PARN: variants seen among roughly 807,000 people sequenced by gnomAD.
PARN encodes the protein poly(A)-specific ribonuclease, also known as poly(A)-specific ribonuclease PARN.
Under a neutral mutation model 102.8 loss-of-function variants are expected in PARN, and 71 were observed. The observed-to-expected ratio is 0.69, with a 90% CI of 0.57 to 0.84. The LOEUF (loss-of-function observed/expected upper bound fraction) is 0.84, where lower values mean the gene tolerates loss of function less well. PARN is among the 40% of genes least tolerant of loss of function. PARN has a pLI of 0.00. For missense variants in PARN, 782 were observed against 760.9 expected, an observed-to-expected ratio of 1.03 and a Z score of -0.33; for synonymous variants, 261 against 252.9, an observed-to-expected ratio of 1.03 and a Z score of -0.30.
chr16:14,606,441 A>G (rs370569657), intron 10 of PARN, 43 bp downstream of exon 10: 51 of 1,151,694 alleles, frequency 4.4e-5, no homozygotes, highest in Middle Eastern at 2.0e-4. Flanking sequence ...CAGTGTAACA[A>G]TGGATGTGTT....
chr16:14,526,953 T>C (rs1248838005), intron 21 of PARN, among the ~76,000 whole-genome samples: 1 of 152,190 alleles, frequency 6.6e-6, no homozygotes, highest in African/African-American at 2.4e-5. Context: ...AGAAATCCTC[T>C]TCCTAATGGC....
chr16:14,472,159 T>C (rs1160765085), intron 22 of PARN, among the ~76,000 whole-genome samples: 1 of 152,212 alleles, frequency 6.6e-6, no homozygotes, highest in African/African-American at 2.4e-5. Context: ...GTTAGAGGTG[T>C]ACCACATCTT....
intron 5 of PARN, among the ~76,000 whole-genome samples, chr16:14,621,556 T>C (rs1360829017): frequency 1.3e-5 from 2 of 152,214 alleles, no homozygotes; most frequent in African/African-American, 4.8e-5. Flanking sequence ...CTCACGCCTG[T>C]AATCCGAGCA....
At chr16:14,590,080 A>T (rs1043446902) in intron 13 of PARN, among the ~76,000 whole-genome samples, 1 of 148,936 alleles carries the variant, frequency 6.7e-6, no homozygotes, top group African/African-American at 2.5e-5. Flanking sequence ...GTGAAACCCC[A>T]TCTCTACTAA....
chr16:14,618,533 T>C lies in PARN; in HGVS notation c.328-883A>G, dbSNP rs536116512. Among the ~76,000 whole-genome samples, 326 of 150,600 alleles carry C rather than the reference T, an allele frequency of 2.2e-3. 1 individual carries two copies. The highest frequency in any genetic ancestry group is 2.7e-3 in the Non-Finnish European group (181 of 67,760). On this transcript the variant is annotated intron_variant, in intron 5 of 23. Transcript: ENST00000437198. ...AAAATTAGCCAGGTGTGGTGGTGTGTACCTGCAATCCCAGTTACTCAGGAG... is the reference window on the plus strand; with the variant it reads ...AAAATTAGCCAGGTGTGGTGGTGTGCACCTGCAATCCCAGTTACTCAGGAG...
intron 18 of PARN, among the ~76,000 whole-genome samples, chr16:14,563,699 CT>C (rs748320042): frequency 0.015 from 2,012 of 132,494 alleles, 25 homozygotes; most frequent in African/African-American, 0.043. Flanking sequence ...CCGCACCTGG[CT>C]TTTTTTTTTT....
At chr16:14,496,309 G>A (rs2151618298) in intron 21 of PARN, among the ~76,000 whole-genome samples, 1 of 152,314 alleles carries the variant, frequency 6.6e-6, no homozygotes, top group Middle Eastern at 3.4e-3. Flanking sequence ...GCTTTCCCAA[G>A]TGCTGACACA....
At chr16:14,456,726 A>G (rs1331168190) in intron 22 of PARN, among the ~76,000 whole-genome samples, 3 of 152,084 alleles carry the variant, frequency 2.0e-5, no homozygotes, top group African/African-American at 7.2e-5. Context: ...ATTGCACTCC[A>G]AGTTCAATGT....
intron 21 of PARN, among the ~76,000 whole-genome samples, chr16:14,504,092 G>A (rs1391182992): frequency 6.6e-6 from 1 of 152,150 alleles, no homozygotes; most frequent in Non-Finnish European, 1.5e-5. Context: ...CTTTGACCTA[G>A]TAATTCCTCT....
intron 21 of PARN, among the ~76,000 whole-genome samples, chr16:14,512,234 G>C (rs1384996331): frequency 1.3e-5 from 2 of 152,204 alleles, no homozygotes; most frequent in East Asian, 3.8e-4. Flanking sequence ...GGGCGTGGTA[G>C]TTCACGCCTG....
intron 18 of PARN, among the ~76,000 whole-genome samples, chr16:14,572,320 G>A (rs892306560): frequency 2.0e-5 from 3 of 152,094 alleles, no homozygotes; most frequent in Non-Finnish European, 2.9e-5. Context: ...CGTTACTGGC[G>A]AGAGGGCTGG....
intron 21 of PARN, among the ~76,000 whole-genome samples, chr16:14,488,484 A>G (rs1303576719): frequency 6.6e-6 from 1 of 152,244 alleles, no homozygotes; most frequent in African/African-American, 2.4e-5. Flanking sequence ...AAGACATTCA[A>G]CTGACAGGAT....
chr16:14,438,421 A>T (rs1055573738), intron 23 of PARN, among the ~76,000 whole-genome samples: 1 of 138,294 alleles, frequency 7.2e-6, no homozygotes, highest in Non-Finnish European at 1.5e-5. Context: ...TGCACCTGCC[A>T]ATCTGCACCT....
chr16:14,616,127 C>T (rs917638274), intron 6 of PARN, among the ~76,000 whole-genome samples: 2 of 152,044 alleles, frequency 1.3e-5, no homozygotes, highest in African/African-American at 4.8e-5. Flanking sequence ...AAAATATTGA[C>T]CTTGTACATA....
intron 22 of PARN, among the ~76,000 whole-genome samples, chr16:14,465,631 C>G (rs1022743887): frequency 6.6e-6 from 1 of 151,904 alleles, no homozygotes; most frequent in African/African-American, 2.4e-5. Context: ...AAAATTTTAC[C>G]AGATGCTTTT....
intron 21 of PARN, among the ~76,000 whole-genome samples, chr16:14,522,430 C>T (rs1010252631): frequency 6.6e-6 from 1 of 152,120 alleles, no homozygotes; most frequent in Non-Finnish European, 1.5e-5. Context: ...AATCTAGCTA[C>T]CTGGGAGGTT....
chr16:14,593,240 A>G, intron 13 of PARN, 61 bp downstream of exon 13: 1 of 894,412 alleles, frequency 1.1e-6, no homozygotes. Flanking sequence ...GCATCATAAT[A>G]ATATTTTTTC....
intron 5 of PARN, among the ~76,000 whole-genome samples, chr16:14,623,206 T>A (rs952109792): frequency 6.6e-6 from 1 of 151,086 alleles, no homozygotes; most frequent in African/African-American, 2.4e-5. Flanking sequence ...GGAAGTGGCA[T>A]GGGAAAAGGA....
chr16:14,484,198 C>T (rs78985993), intron 21 of PARN, among the ~76,000 whole-genome samples: 1 of 152,308 alleles, frequency 6.6e-6, no homozygotes, highest in East Asian at 1.9e-4. Context: ...GCTTAATCCC[C>T]CCTTGGTGTT....
Sources: gnomAD v4.1 joint callset for allele counts (sites outside exome capture counted in the v4.1 genomes callset) on GRCh38, gnomAD v4.1.1 for gene constraint, MANE v1.5 for transcripts, NCBI Gene and HGNC (gene_info 2026-07-23, HGNC 2026-07-21) for gene names.